The following RABGAP1 variants were observed in gnomAD, a reference collection of about 807,000 sequenced individuals.
RABGAP1 encodes the protein rab GTPase-activating protein 1.
RABGAP1 carries 23 observed loss-of-function variants against 137.6 expected under a neutral mutation model. The observed-to-expected ratio is 0.17, with a 90% confidence interval of 0.12 to 0.24. RABGAP1 has a LOEUF of 0.24. Ranked by LOEUF, RABGAP1 falls within the 10% of genes least tolerant of loss-of-function variation. The probability of loss-of-function intolerance (pLI) is 1.00; values close to 1 mark genes in which losing one functional copy is unlikely to be tolerated. For synonymous variants in RABGAP1, 451 were observed against 450.7 expected (o/e 1.00, Z -0.01); for missense variants, 906 against 1,275.8 (o/e 0.71, Z 4.42).
intron 13 of RABGAP1, among the ~76,000 whole-genome samples, chr9:123,027,708 C>T (rs1275000661): frequency 6.6e-6 from 1 of 152,188 alleles, no homozygotes; most frequent in Admixed American, 6.5e-5. Context: ...TTCCTCTTCT[C>T]TGAACTGAGG....
chr9:123,067,181 C>G (rs1388227063), intron 14 of RABGAP1, among the ~76,000 whole-genome samples: 1 of 152,204 alleles, frequency 6.6e-6, no homozygotes, highest in Non-Finnish European at 1.5e-5. Context: ...TCCTCCTTTT[C>G]TCCCATACCA....
chr9:123,060,252 C>T (rs2033915758), intron 13 of RABGAP1, among the ~76,000 whole-genome samples: 1 of 152,174 alleles, frequency 6.6e-6, no homozygotes, highest in Admixed American at 6.5e-5. Context: ...ATAAACATTT[C>T]TGTCATCTCA....
chr9:122,973,381 C>T (rs564216178), intron 2 of RABGAP1, among the ~76,000 whole-genome samples: 8 of 152,162 alleles, frequency 5.3e-5, no homozygotes, highest in South Asian at 2.1e-4. Flanking sequence ...GGACTACAGG[C>T]GCCCACCACC....
At chr9:123,062,199 C>T (rs700061) in intron 13 of RABGAP1, 112,500 of 152,134 alleles carry the variant, frequency 0.74, 43,554 homozygotes, top group Middle Eastern at 0.88. Flanking sequence ...ATCAGGGAGG[C>T]GGAGGTTGCG....
chr9:123,018,169 T>C (rs1465814078), intron 12 of RABGAP1, among the ~76,000 whole-genome samples: 1 of 152,174 alleles, frequency 6.6e-6, no homozygotes. Flanking sequence ...TAATTTTTTG[T>C]ATTTTTAGTA....
chr9:123,094,255 T>C lies in RABGAP1; in HGVS notation c.2629-3486T>C, dbSNP rs201574710. Among the ~76,000 whole-genome samples, 36 of 152,350 alleles carry C rather than the reference T, an allele frequency of 2.4e-4. No individual in the cohort carries two copies. In the East Asian group the frequency reaches 6.7e-3, roughly 29 times the overall value. ...CTTTTTCTTGTCTCACTGCACTGAC[T>C]AGCATCTTCAGAATGATGCTGAATG... On this transcript the variant is annotated intron_variant, in intron 21 of 25. Coordinates refer to ENST00000373647, the MANE Select transcript of RABGAP1 (RefSeq NM_012197.4).
At chr9:123,074,146 T>G in intron 16 of RABGAP1, 139 bp from the exon 17 acceptor site, 1 of 959,748 alleles carries the variant, frequency 1.0e-6, no homozygotes. Context: ...AGATGATAAG[T>G]GTTCTAAGCA....
chr9:123,002,038 A>T (rs537292848), intron 10 of RABGAP1, among the ~76,000 whole-genome samples: 2 of 152,250 alleles, frequency 1.3e-5, no homozygotes, highest in South Asian at 4.1e-4. Flanking sequence ...ATGTTTCTAG[A>T]TGGTCTGTAA....
intron 13 of RABGAP1, among the ~76,000 whole-genome samples, chr9:123,053,026 G>C (rs1211217508): frequency 6.6e-6 from 1 of 152,148 alleles, no homozygotes. Flanking sequence ...TAAATCTCAG[G>C]CTAAGAATAC....
At chr9:122,972,014 C>A (rs1221321649) in intron 2 of RABGAP1, 1 of 152,156 alleles carries the variant, frequency 6.6e-6, no homozygotes, top group East Asian at 1.9e-4. Context: ...GAAAATAATA[C>A]AAGGCTGAAT....
chr9:122,943,050 T>C (rs1045858566), intron 1 of RABGAP1, among the ~76,000 whole-genome samples: 4 of 148,546 alleles, frequency 2.7e-5, no homozygotes, highest in African/African-American at 4.9e-5. Flanking sequence ...ATCTGAGATA[T>C]AGTCATGTTG....
At chr9:123,090,407 G>A in intron 21 of RABGAP1, 22 bp downstream of exon 21, 1 of 1,552,172 alleles carries the variant, frequency 6.4e-7, no homozygotes, top group East Asian at 2.3e-5. Context: ...GGGTCTGAAG[G>A]GAAAGATCTC....
upstream of RABGAP1, among the ~76,000 whole-genome samples, chr9:122,940,635 A>G (rs1406284203): frequency 1.3e-5 from 2 of 152,232 alleles, no homozygotes; most frequent in Non-Finnish European, 2.9e-5. Context: ...GGACTTGCAC[A>G]TGAAAGGTGA....
chr9:122,982,611 C>T (rs1453323358), intron 2 of RABGAP1, among the ~76,000 whole-genome samples: 3 of 152,100 alleles, frequency 2.0e-5, no homozygotes, highest in African/African-American at 7.2e-5. Context: ...TTCTCCCTAC[C>T]CTTGGAAAAA....
chr9:123,043,719 A>C (rs148334262), intron 13 of RABGAP1, among the ~76,000 whole-genome samples: 1 of 152,168 alleles, frequency 6.6e-6, no homozygotes, highest in African/African-American at 2.4e-5. Context: ...TCTAAAGTGG[A>C]AAAACCCAGA....
At chr9:123,000,434 G>GCA (rs1198762068) in intron 10 of RABGAP1, among the ~76,000 whole-genome samples, 1 of 152,022 alleles carries the variant, frequency 6.6e-6, no homozygotes, top group Non-Finnish European at 1.5e-5. Context: ...AAGATATCAA[G>GCA]GTCACCACTG....
At chr9:122,934,829 C>T in the RABGAP1 span, among the ~76,000 whole-genome samples, 3 of 152,212 alleles carry the variant, frequency 2.0e-5, no homozygotes, top group South Asian at 4.1e-4. Context: ...CACAGGCATG[C>T]GGTCCCATCA....
chr9:122,931,789 G>C, the RABGAP1 span, among the ~76,000 whole-genome samples: 49 of 152,244 alleles, frequency 3.2e-4, no homozygotes, highest in Non-Finnish European at 2.5e-4. Context: ...CGCTGCTCGG[G>C]ACCCCCGTCT....
chr9:123,044,197 C>G (rs2033095643), intron 13 of RABGAP1, among the ~76,000 whole-genome samples: 1 of 152,108 alleles, frequency 6.6e-6, no homozygotes, highest in African/African-American at 2.4e-5. Flanking sequence ...GCCACCGCGC[C>G]CAGCCAGGTG....
Sources: allele counts gnomAD v4.1 joint callset (sites outside exome capture counted in the v4.1 genomes callset), GRCh38; gene constraint gnomAD v4.1.1; transcripts MANE v1.5; gene names NCBI Gene and HGNC (gene_info 2026-07-23, HGNC 2026-07-21).